CAMK2A: variants seen among roughly 807,000 people sequenced by gnomAD.
CAMK2A encodes the protein calcium/calmodulin-dependent protein kinase type II subunit alpha.
CAMK2A carries 7 observed loss-of-function variants against 79.2 expected under a neutral mutation model. The observed-to-expected ratio is 0.09, with a 90% CI of 0.05 to 0.17. The LOEUF is 0.17. Ranked by LOEUF, CAMK2A falls within the 10% of genes least tolerant of loss-of-function variation. CAMK2A has a pLI of 1.00. For synonymous variants in CAMK2A, 242 were observed against 251.7 expected (o/e 0.96, Z 0.36); for missense variants, 214 against 646.4 (o/e 0.33, Z 7.25).
In CAMK2A at chr5:150,256,523, G is replaced by T; in HGVS notation, c.411+50C>A. ...AGCTCTGCAGGATTAGGGACGTGCA[G>T]AGGAGAGAGGGGCTCCCGGGGTGAG... On this transcript the variant is annotated intron_variant, in intron 6 of 18. Transcript: ENST00000671881. This position sits in a 1 kb window ranked among gnomAD's most constrained non-coding sequence, Gnocchi z 4.6. 7.8e-7 allele frequency: 1 copy of T among 1,288,782 alleles called. No homozygotes were observed. Among genetic ancestry groups the T allele is most frequent in the South Asian group, 1.2e-5 (1 of 83,958 alleles). 79.8% of individuals were successfully genotyped at this position (1,288,782 alleles called of 1,614,324 possible). A position where few individuals can be genotyped will look rare whatever the true frequency, so the allele number is the denominator to read the frequency against.
chr5:150,219,642 A>AG lies in CAMK2A; in HGVS notation c.*3067_*3068insC. On this transcript the variant is annotated 3_prime_UTR_variant, in exon 19 of 19. Transcript: ENST00000671881. ...CCACATATTTTTAAAAAAGAAAAGA[A>AG]AAAAAAAAAGAACTAAAACAAAACC... 2 of 142,544 alleles carry AG rather than the reference A, an allele frequency of 1.4e-5. No homozygotes were observed. The highest frequency in any genetic ancestry group is 6.1e-4 in the South Asian group (2 of 3,274). The allele number at this position is 142,544 out of a possible 1,614,324, so 8.8% of individuals were successfully genotyped here.
chr5:150,282,007 T>G (rs991701931), intron 1 of CAMK2A, among the ~76,000 whole-genome samples: 6 of 152,122 alleles, frequency 3.9e-5, no homozygotes, highest in Admixed American at 1.3e-4. Flanking sequence ...ATGCTCACTA[T>G]CCCCTTTGCT....
intron 2 of CAMK2A, among the ~76,000 whole-genome samples, chr5:150,270,749 G>C (rs781298753): frequency 5.3e-5 from 8 of 151,982 alleles, no homozygotes; most frequent in Non-Finnish European, 1.0e-4. Flanking sequence ...CACTCACCTA[G>C]GCCGGGCCAC....
rs1754291194 is a variant in CAMK2A at position 150,221,228 on chromosome 5, T to G, written c.*1482A>C. 1 of 394,510 alleles carries G rather than the reference T, an allele frequency of 2.5e-6. No homozygotes were observed. The allele number at this position is 394,510 out of a possible 1,614,324, so 24.4% of individuals were successfully genotyped here. On this transcript the variant is annotated 3_prime_UTR_variant, in exon 19 of 19. Transcript: ENST00000671881. ...GTATAAAGTCATGCAAAGAAAACAG[T>G]GCAGACAGTAGATCCTAGTGGATGT...
rs149264244 is a variant in CAMK2A, at chr5:150,237,139, A to T, written c.1066+1561T>A. Reference sequence around the variant, plus strand: ...CCGCCCAGGTTGGGAATGACCAGGAAGGGACACACACGGGGCGGGTCTCAT... The same window carrying T: ...CCGCCCAGGTTGGGAATGACCAGGATGGGACACACACGGGGCGGGTCTCAT... On this transcript the variant is annotated intron_variant, in intron 15 of 18. Coordinates refer to ENST00000671881, the MANE Select transcript of CAMK2A (RefSeq NM_015981.4). 6.3e-3 allele frequency among the ~76,000 whole-genome samples: 958 copies of T among 152,272 alleles called. 8 individuals are homozygous for T. Among genetic ancestry groups the T allele is most frequent in the African/African-American group, 0.022 (903 of 41,546 alleles).
At position 150,256,664 on chromosome 5, in the gene CAMK2A, A is replaced by C; in HGVS notation, c.339-19T>G. ...ACAGTGACTAGGGAGAGAGAGAGGAAGGGGTCATGGTGGTGTGAGCACAGG... is the reference window on the plus strand; with the variant it reads ...ACAGTGACTAGGGAGAGAGAGAGGACGGGGTCATGGTGGTGTGAGCACAGG... On this transcript the variant is annotated intron_variant, in intron 5 of 18. Transcript: ENST00000671881. This position sits in a 1 kb window ranked among gnomAD's most constrained non-coding sequence, Gnocchi z 4.6. The C allele has an allele frequency of 6.2e-7, 1 of 1,612,820 alleles. No individual in the cohort carries two copies. Among genetic ancestry groups the C allele is most frequent in the Non-Finnish European group, 8.5e-7 (1 of 1,178,880 alleles).
intron 17 of CAMK2A, among the ~76,000 whole-genome samples, chr5:150,225,387 CG>C (rs1754553268): frequency 6.6e-6 from 1 of 152,146 alleles, no homozygotes; most frequent in Non-Finnish European, 1.5e-5. Context: ...GGAACTTGGC[CG>C]GGAATGAGCA....
At chr5:150,258,897 A>G (rs891983705) in intron 3 of CAMK2A, among the ~76,000 whole-genome samples, 7 of 152,212 alleles carry the variant, frequency 4.6e-5, no homozygotes, top group Admixed American at 1.3e-4. Flanking sequence ...ATGAAAATTT[A>G]GGCTGGGAGC....
chr5:150,233,900 C>T (rs1562141617), intron 15 of CAMK2A, among the ~76,000 whole-genome samples: 1 of 152,186 alleles, frequency 6.6e-6, no homozygotes, highest in Non-Finnish European at 1.5e-5. Context: ...GCAACCTCCC[C>T]CTCGTGGGTT....
At chr5:150,264,873 C>A in intron 3 of CAMK2A, 83 bp downstream of exon 3, 1 of 1,051,914 alleles carries the variant, frequency 9.5e-7, no homozygotes, top group South Asian at 1.3e-5. Flanking sequence ...GCTCTCCACC[C>A]AACCCGCAAA....
At chr5:150,247,714 G>T in intron 12 of CAMK2A, 58 bp downstream of exon 12, 1 of 1,414,168 alleles carries the variant, frequency 7.1e-7, no homozygotes, top group Non-Finnish European at 9.9e-7. Context: ...CTGACAGGAC[G>T]GTGCCCCCAA....
chr5:150,230,317 C>CAAA (rs1216883745), intron 16 of CAMK2A, among the ~76,000 whole-genome samples: 118 of 60,288 alleles, frequency 2.0e-3, no homozygotes, highest in Non-Finnish European at 2.2e-3. Flanking sequence ...GACTCCGTCT[C>CAAA]AAAAAAAAAA....
intron 2 of CAMK2A, among the ~76,000 whole-genome samples, chr5:150,266,305 A>C (rs1020550207): frequency 7.3e-5 from 11 of 151,296 alleles, no homozygotes; most frequent in Non-Finnish European, 1.5e-5. Context: ...TGGGACCACC[A>C]CTCTCCCCAT....
intron 1 of CAMK2A, among the ~76,000 whole-genome samples, chr5:150,281,903 A>G (rs1757231130): frequency 6.6e-6 from 1 of 152,150 alleles, no homozygotes; most frequent in African/African-American, 2.4e-5. Context: ...TTTCTTTCCC[A>G]TTTAGGCATT....
chr5:150,243,452 T>C (rs1230254085), intron 13 of CAMK2A, among the ~76,000 whole-genome samples: 1 of 151,944 alleles, frequency 6.6e-6, no homozygotes, highest in African/African-American at 2.4e-5. Flanking sequence ...CCCCTACACA[T>C]AGAGGGATGG....
chr5:150,248,443 G>A (rs1453303899), intron 11 of CAMK2A, among the ~76,000 whole-genome samples: 10 of 150,500 alleles, frequency 6.6e-5, no homozygotes, highest in African/African-American at 9.8e-5. Flanking sequence ...CCATTAACTC[G>A]TCATTTACAT....
rs545448902 is a variant in CAMK2A, at chr5:150,279,483, G to A, written c.63-6324C>T. On this transcript the variant is annotated intron_variant, in intron 1 of 18. Transcript: ENST00000671881. Reference sequence around the variant, plus strand: ...AAGGATTCAATGAGATAATAAGGTAGGCAATGAGTTTGGCAGAGTCCCTGG... The same window carrying A: ...AAGGATTCAATGAGATAATAAGGTAAGCAATGAGTTTGGCAGAGTCCCTGG... Among the ~76,000 whole-genome samples the A allele has an allele frequency of 1.8e-4, 28 of 152,328 alleles. 1 individual carries two copies. The South Asian group carries it at 5.8e-3, about 32-fold the overall frequency.
chr5:150,250,149 C>A, intron 11 of CAMK2A, 77 bp downstream of exon 11: 1 of 1,015,044 alleles, frequency 9.9e-7, no homozygotes, highest in Non-Finnish European at 1.6e-6. Context: ...AATTAGTGAG[C>A]GAGTCTCCTG....
At chr5:150,265,206 T>G in intron 2 of CAMK2A, 191 bp from the exon 3 acceptor site, 3 of 571,370 alleles carry the variant, frequency 5.3e-6, no homozygotes, top group East Asian at 3.1e-5. Context: ...GGAAGAGGCC[T>G]GGGTTGCAGT....
Sources: gnomAD v4.1 joint callset for allele counts (sites outside exome capture counted in the v4.1 genomes callset) on GRCh38, gnomAD v4.1.1 for gene constraint, Gnocchi (gnomAD v3.1) non-coding constraint, MANE v1.5 for transcripts, NCBI Gene and HGNC (gene_info 2026-07-23, HGNC 2026-07-21) for gene names.